Variants in LRRC9 observed in about 807,000 individuals in gnomAD.
The protein encoded by LRRC9 is leucine-rich repeat-containing protein 9.
A neutral mutation model predicts 63.2 loss-of-function variants in LRRC9; 122 were observed. The observed-to-expected ratio is 1.93, with a 90% confidence interval of 1.67 to 2.24. The LOEUF (loss-of-function observed/expected upper bound fraction) is 2.24. Ranked by LOEUF, LRRC9 falls within the 30% of genes most tolerant of loss-of-function variation. The pLI, the probability that LRRC9 is intolerant of heterozygous loss-of-function variation, is 0.00. For synonymous variants in LRRC9, 366 were observed against 213.1 expected, an observed-to-expected ratio of 1.72 and a Z score of -6.25; for missense variants, 1,071 against 627.7, an observed-to-expected ratio of 1.71 and a Z score of -7.55.
At chr14:59,981,673 C>T (rs575121253) in intron 15 of LRRC9, among the ~76,000 whole-genome samples, 175 bp from the exon 16 acceptor site, 1 of 152,126 alleles carries the variant, frequency 6.6e-6, no homozygotes, top group South Asian at 2.1e-4. Flanking sequence ...ATAGATACAC[C>T]ATGCATAGCC....
intron 8 of LRRC9, among the ~76,000 whole-genome samples, chr14:59,952,499 C>T (rs1349493542): frequency 2.6e-5 from 4 of 152,158 alleles, no homozygotes; most frequent in African/African-American, 9.7e-5. Flanking sequence ...CAGAGCTGTT[C>T]CTATTCGGCC....
intron 29 of LRRC9, among the ~76,000 whole-genome samples, chr14:60,033,994 T>C (rs1489368962): frequency 6.6e-6 from 1 of 150,678 alleles, no homozygotes; most frequent in African/African-American, 2.4e-5. Context: ...AAAATTGGCC[T>C]TTTTATGTAA....
intron 17 of LRRC9, among the ~76,000 whole-genome samples, chr14:59,987,036 T>TA (rs1283128302): frequency 1.3e-5 from 2 of 152,134 alleles, no homozygotes; most frequent in Admixed American, 6.5e-5. Context: ...AAAACACAGA[T>TA]ACAGAGAATT....
intron 23 of LRRC9, among the ~76,000 whole-genome samples, chr14:60,008,972 T>C (rs1469141044): frequency 6.6e-6 from 1 of 152,194 alleles, no homozygotes; most frequent in African/African-American, 2.4e-5. Context: ...CTCCAACACA[T>C]ACAAATTCTC....
At chr14:59,935,187 A>G (rs898337494) in intron 6 of LRRC9, among the ~76,000 whole-genome samples, 1 of 151,234 alleles carries the variant, frequency 6.6e-6, no homozygotes, top group African/African-American at 2.4e-5. Flanking sequence ...CAGCCTATTC[A>G]GGAGGCTGAA....
rs1427239358 is a variant in LRRC9, at chr14:59,944,716, TA to T, written c.858del (p.Lys286AsnfsTer6). On this transcript the variant is annotated frameshift_variant, in exon 8 of 32. Transcript: ENST00000445360. LOFTEE classifies it high-confidence loss of function. ...TTACAAAAGTTGCCAGAAGAACGAG[TA>T]AAATTATTCAGCTTTGTGAAGAAAA... 2 of 674,358 alleles carry T rather than the reference TA, an allele frequency of 3.0e-6. No homozygotes were observed. The highest frequency in any genetic ancestry group is 2.4e-4 in the Middle Eastern group (1 of 4,248). The allele number at this position is 674,358 out of a possible 1,614,324, so 41.8% of individuals were successfully genotyped here.
At position 60,003,570 on chromosome 14, in the gene LRRC9, G is replaced by A; in HGVS notation, c.2665-51G>A. ...AGCTTTTTAAAATGTTATTAACATTGACTGAATTTATAAGATTTAGAAATA... is the reference window on the plus strand; with the variant it reads ...AGCTTTTTAAAATGTTATTAACATTAACTGAATTTATAAGATTTAGAAATA... On this transcript the variant is annotated intron_variant, in intron 20 of 31. Transcript: ENST00000445360. The surrounding 1 kb of genome is among the most constrained non-coding windows in gnomAD (Gnocchi z 4.2). 1.9e-6 allele frequency: 1 copy of A among 514,952 alleles called. No homozygotes were observed. The highest frequency in any genetic ancestry group is 3.2e-5 in the East Asian group (1 of 31,130). 31.9% of individuals were successfully genotyped at this position (514,952 alleles called of 1,614,324 possible).
chr14:60,053,905 G>C lies in LRRC9; in HGVS notation c.4131+700G>C, dbSNP rs745336098. 2.2e-6 allele frequency: 1 copy of C among 455,274 alleles called. No individual in the cohort carries two copies. Among genetic ancestry groups the C allele is most frequent in the South Asian group, 1.6e-5 (1 of 64,440 alleles). 28.2% of individuals were successfully genotyped at this position (455,274 alleles called of 1,614,324 possible). ...TAACATTATTAGAATGCTGTGGTTTGAGAAAAAAAGAGGCTGGAGGGAGAA... is the reference window on the plus strand; with the variant it reads ...TAACATTATTAGAATGCTGTGGTTTCAGAAAAAAAGAGGCTGGAGGGAGAA... On this transcript the variant is annotated intron_variant, in intron 30 of 31. Coordinates refer to ENST00000445360, the Ensembl canonical transcript of LRRC9. The surrounding 1 kb of genome is among the most constrained non-coding windows in gnomAD (Gnocchi z 4.8).
intron 29 of LRRC9, among the ~76,000 whole-genome samples, chr14:60,038,097 G>T (rs1193237264): frequency 2.0e-5 from 3 of 151,974 alleles, no homozygotes; most frequent in African/African-American, 7.2e-5. Context: ...ATTGTTTCCA[G>T]GGGCTCTATT....
intron 29 of LRRC9, among the ~76,000 whole-genome samples, chr14:60,049,435 T>G (rs10129873): frequency 9.0e-4 from 137 of 152,358 alleles, no homozygotes; most frequent in African/African-American, 3.1e-3. Flanking sequence ...CAGGACCTGT[T>G]GCAAGGCAGG....
chr14:59,959,458 T>C (rs1341540029), intron 8 of LRRC9, among the ~76,000 whole-genome samples: 1 of 152,244 alleles, frequency 6.6e-6, no homozygotes, highest in African/African-American at 2.4e-5. Flanking sequence ...ATTTTAAATA[T>C]TTGTACTAAA....
chr14:59,926,622 T>A (rs537173363), intron 1 of LRRC9, among the ~76,000 whole-genome samples: 1 of 152,286 alleles, frequency 6.6e-6, no homozygotes, highest in Middle Eastern at 3.4e-3. Flanking sequence ...TCTTAGTTGC[T>A]CTTCCCTGAA....
chr14:60,003,770 A>G lies in LRRC9; in HGVS notation c.2814A>G (p.Leu938=). 1.6e-6 allele frequency: 1 copy of G among 633,424 alleles called. No individual in the cohort carries two copies. Among genetic ancestry groups the G allele is most frequent in the East Asian group, 2.9e-5 (1 of 34,208 alleles). The allele number at this position is 633,424 out of a possible 1,614,324, so 39.2% of individuals were successfully genotyped here. The change falls in exon 21 of 32, where the codon TTA becomes TTG. Residue 938 remains leucine, a synonymous_variant. Coordinates refer to ENST00000445360, the Ensembl canonical transcript of LRRC9. The surrounding 1 kb of genome is among the most constrained non-coding windows in gnomAD (Gnocchi z 4.2). ...GTATTAACTTGGAAGAGCTCACATT[A>G]GATGGAAACTGCATCTCAAAGATAG...
intron 29 of LRRC9, among the ~76,000 whole-genome samples, chr14:60,050,318 C>T (rs160243): frequency 0.85 from 128,914 of 152,118 alleles, 55,103 homozygotes; most frequent in Non-Finnish European, 0.9. Context: ...AGAAAGATAG[C>T]CTTCAACCTC....
At chr14:60,066,577 T>C (rs456548), downstream of LRRC9, among the ~76,000 whole-genome samples, 113,594 of 152,064 alleles carry the variant, frequency 0.75, 44,547 homozygotes, top group Non-Finnish European at 0.87. Context: ...GTGCTAACTA[T>C]GTGTTCATTT....
chr14:59,983,265 A>T (rs1300902385), intron 16 of LRRC9, among the ~76,000 whole-genome samples: 3 of 152,200 alleles, frequency 2.0e-5, no homozygotes, highest in African/African-American at 7.2e-5. Context: ...AATACAAGAT[A>T]AGGGGAGTAG....
chr14:59,979,591 G>A (rs534800639), intron 15 of LRRC9, among the ~76,000 whole-genome samples: 49 of 152,152 alleles, frequency 3.2e-4, no homozygotes, highest in African/African-American at 1.1e-3. Flanking sequence ...CAGCCTGGGC[G>A]ACAGAGCGAG....
intron 21 of LRRC9, 65 bp from the exon 22 acceptor site, chr14:60,006,332 C>T (rs1416331107): frequency 3.3e-6 from 2 of 614,652 alleles, no homozygotes; most frequent in African/African-American, 3.7e-5. Context: ...TGACCAGCCA[C>T]TTATTTTTTA....
intron 12 of LRRC9, chr14:59,969,000 G>T (rs1388687443): frequency 6.6e-6 from 1 of 151,988 alleles, no homozygotes; most frequent in Non-Finnish European, 1.5e-5. Flanking sequence ...TTTTATATTA[G>T]GTACATGTTG....
Sources: allele counts gnomAD v4.1 joint callset (sites outside exome capture counted in the v4.1 genomes callset), GRCh38; gene constraint gnomAD v4.1.1; non-coding constraint Gnocchi (gnomAD v3.1); transcripts MANE v1.5; gene names NCBI Gene and HGNC (gene_info 2026-07-23, HGNC 2026-07-21).